RXFP1: variants seen among roughly 807,000 people sequenced by gnomAD.
RXFP1 encodes the protein relaxin family peptide receptor 1, also known as relaxin receptor 1.
RXFP1 carries 73 observed loss-of-function variants against 89.8 expected under a neutral mutation model. The observed-to-expected ratio is 0.81, with a 90% CI of 0.67 to 0.99. RXFP1 has a LOEUF of 0.99. Ranked by LOEUF, RXFP1 falls within the 50% of genes least tolerant of loss-of-function variation. The probability of loss-of-function intolerance (pLI) is 0.00; values close to 1 mark genes in which losing one functional copy is unlikely to be tolerated. For synonymous variants in RXFP1, 277 were observed against 305.5 expected (o/e 0.91, Z 0.97); for missense variants, 793 against 895.5 (o/e 0.89, Z 1.46).
At chr4:158,526,968 T>C (rs1220848817) in intron 1 of RXFP1, among the ~76,000 whole-genome samples, 3 of 152,102 alleles carry the variant, frequency 2.0e-5, no homozygotes, top group Non-Finnish European at 2.9e-5. Context: ...CAAGTTCTCA[T>C]TGAGTTCCTA....
intron 11 of RXFP1, among the ~76,000 whole-genome samples, chr4:158,631,819 G>T (rs545413152): frequency 2.0e-5 from 3 of 152,158 alleles, no homozygotes; most frequent in Admixed American, 1.3e-4. Context: ...ATGGCCAGGC[G>T]CAGTGGCTCA....
At chr4:158,576,930 T>A (rs1756363710) in intron 2 of RXFP1, among the ~76,000 whole-genome samples, 1 of 152,208 alleles carries the variant, frequency 6.6e-6, no homozygotes, top group Non-Finnish European at 1.5e-5. Context: ...TGTCTCTAAT[T>A]GCTTTAATTT....
At chr4:158,643,723 G>A (rs900743768) in intron 14 of RXFP1, among the ~76,000 whole-genome samples, 4 of 151,794 alleles carry the variant, frequency 2.6e-5, no homozygotes, top group African/African-American at 7.3e-5. Flanking sequence ...CACCCACCTC[G>A]GCCTCCCAAA....
chr4:158,568,264 A>G (rs1369521795), intron 1 of RXFP1, among the ~76,000 whole-genome samples: 1 of 152,254 alleles, frequency 6.6e-6, no homozygotes, highest in Non-Finnish European at 1.5e-5. Flanking sequence ...CAGTGAGACC[A>G]AGAACCCACC....
intron 9 of RXFP1, among the ~76,000 whole-genome samples, chr4:158,618,263 T>C (rs1391221796): frequency 6.6e-6 from 1 of 152,066 alleles, no homozygotes; most frequent in African/African-American, 2.4e-5. Flanking sequence ...TTAAACACAA[T>C]TGAACAATAT....
rs568220357 is a variant in RXFP1, at chr4:158,567,288, C to T, written c.50-5410C>T. On this transcript the variant is annotated intron_variant, in intron 1 of 17. Transcript: ENST00000307765. ...CTGCCCTAGGGTTGAGAAGTGTGGGCGCACGGCCGGGACTGGCAGGCAGCT... is the reference window on the plus strand; with the variant it reads ...CTGCCCTAGGGTTGAGAAGTGTGGGTGCACGGCCGGGACTGGCAGGCAGCT... Among the ~76,000 whole-genome samples the T allele has an allele frequency of 4.1e-4, 63 of 152,298 alleles. No homozygotes were observed. The South Asian group carries it at 0.013, about 31-fold the overall frequency.
At chr4:158,560,325 C>T (rs1752174537) in intron 1 of RXFP1, among the ~76,000 whole-genome samples, 1 of 152,186 alleles carries the variant, frequency 6.6e-6, no homozygotes, top group Admixed American at 6.5e-5. Flanking sequence ...ACTCATCCCA[C>T]CAAGCCTGAA....
intron 3 of RXFP1, among the ~76,000 whole-genome samples, chr4:158,598,234 C>T (rs1761002881): frequency 6.6e-6 from 1 of 152,140 alleles, no homozygotes; most frequent in Non-Finnish European, 1.5e-5. Flanking sequence ...TTTCAGTTAG[C>T]TAATATCAGT....
At chr4:158,529,240 G>GTT (rs60839416) in intron 1 of RXFP1, among the ~76,000 whole-genome samples, 6 of 134,016 alleles carry the variant, frequency 4.5e-5, no homozygotes, top group East Asian at 2.0e-4. Context: ...TTGCTTGCTT[G>GTT]TTTTTTGTTG....
intron 9 of RXFP1, among the ~76,000 whole-genome samples, chr4:158,619,871 G>A (rs1765278251): frequency 7.2e-5 from 11 of 152,062 alleles, no homozygotes; most frequent in Admixed American, 7.2e-4. Context: ...TCAAAGCAGT[G>A]GGTAGTGCCC....
chr4:158,645,196 A>G, intron 15 of RXFP1, 58 bp downstream of exon 15: 1 of 1,329,724 alleles, frequency 7.5e-7, no homozygotes, highest in Middle Eastern at 1.8e-4. Context: ...AAGCTTTATT[A>G]TTAGAAAATA....
intron 1 of RXFP1, among the ~76,000 whole-genome samples, chr4:158,529,101 C>T (rs1451464054): frequency 6.6e-6 from 1 of 152,182 alleles, no homozygotes; most frequent in Non-Finnish European, 1.5e-5. Context: ...TGAAAGGACA[C>T]TCACAGAGCA....
intron 2 of RXFP1, 27 bp downstream of exon 2, chr4:158,572,862 G>A: frequency 6.2e-7 from 1 of 1,612,406 alleles, no homozygotes; most frequent in Non-Finnish European, 8.5e-7. Flanking sequence ...CAGTCACGGT[G>A]AGAGAAAGGA....
intron 1 of RXFP1, among the ~76,000 whole-genome samples, chr4:158,529,522 A>G (rs530647335): frequency 6.6e-6 from 1 of 152,124 alleles, no homozygotes; most frequent in East Asian, 1.9e-4. Context: ...AGCCTCTCAA[A>G]TCTCTGGGAT....
At chr4:158,635,314 T>C (rs187206292) in intron 12 of RXFP1, among the ~76,000 whole-genome samples, 188 of 152,350 alleles carry the variant, frequency 1.2e-3, no homozygotes, top group Non-Finnish European at 2.1e-3. Flanking sequence ...CTCATTTTCT[T>C]TTGTGATTAT....
rs1772889153 is a variant in RXFP1, at chr4:158,652,295, AC to A, written c.*241del. 1 of 412,012 alleles carries A rather than the reference AC, an allele frequency of 2.4e-6. No homozygotes were observed. Among genetic ancestry groups the A allele is most frequent in the Non-Finnish European group, 4.3e-6 (1 of 233,006 alleles). 25.5% of individuals were successfully genotyped at this position (412,012 alleles called of 1,614,324 possible). A position where few individuals can be genotyped will look rare whatever the true frequency, so the allele number is the denominator to read the frequency against. On this transcript the variant is annotated 3_prime_UTR_variant, in exon 18 of 18. Coordinates refer to ENST00000307765, the MANE Select transcript of RXFP1 (RefSeq NM_021634.4). ...AAATTAAGAGAAATCTACTTCAGTA[AC>A]ATTCATTCATTTTTCTAACATGCAT...
intron 1 of RXFP1, among the ~76,000 whole-genome samples, chr4:158,567,700 G>C (rs545490363): frequency 6.6e-6 from 1 of 151,950 alleles, no homozygotes; most frequent in Non-Finnish European, 1.5e-5. Context: ...TAGTGGGGAC[G>C]TGGAGAACTT....
Position 158,648,659 on chromosome 4 carries a change from A to G in RXFP1, c.1917A>G (p.Leu639=). ...RFFFIVFTDA[L]CWIPIFVVKF... ...TCTTTATAGTATTTACTGATGCATT[A>G]TGCTGGATACCCATTTTTGTAGTGA... Residue 639 remains leucine (L), a synonymous_variant, in exon 17 of 18, where the codon TTA becomes TTG. Transcript: ENST00000307765. 1 of 1,612,530 alleles carries G rather than the reference A, an allele frequency of 6.2e-7. No individual in the cohort carries two copies. Among genetic ancestry groups the G allele is most frequent in the Non-Finnish European group, 8.5e-7 (1 of 1,179,426 alleles).
intron 1 of RXFP1, among the ~76,000 whole-genome samples, chr4:158,549,071 A>G (rs1443353627): frequency 1.3e-5 from 2 of 151,124 alleles, no homozygotes; most frequent in Non-Finnish European, 1.5e-5. Context: ...CATTCTCCCC[A>G]TCACTTTCAG....
Sources: allele counts gnomAD v4.1 joint callset (sites outside exome capture counted in the v4.1 genomes callset), GRCh38; gene constraint gnomAD v4.1.1; transcripts MANE v1.5; gene names NCBI Gene and HGNC (gene_info 2026-07-23, HGNC 2026-07-21).